Variants in FAM13A observed in about 807,000 individuals in gnomAD.
FAM13A encodes the protein protein FAM13A.
Under a neutral mutation model 129.6 loss-of-function variants are expected in FAM13A, and 76 were observed. The ratio of observed to expected loss-of-function variants is 0.59; its 90% CI spans 0.49 to 0.71. FAM13A has a LOEUF of 0.71. FAM13A is among the 30% of genes least tolerant of loss of function. FAM13A has a pLI of 0.00. For synonymous variants in FAM13A, 443 were observed against 449.9 expected, an observed-to-expected ratio of 0.98 and a Z score of 0.20; for missense variants, 1,108 against 1,249.3, an observed-to-expected ratio of 0.89 and a Z score of 1.70.
At chr4:88,862,817 G>C (rs532359616) in intron 6 of FAM13A, among the ~76,000 whole-genome samples, 1 of 151,984 alleles carries the variant, frequency 6.6e-6, no homozygotes, top group East Asian at 1.9e-4. Context: ...AAATGTATAA[G>C]GAAGTTTGGG....
intron 10 of FAM13A, 60 bp downstream of exon 10, chr4:88,787,693 G>T: frequency 1.3e-6 from 2 of 1,507,338 alleles, no homozygotes; most frequent in Non-Finnish European, 1.8e-6. Context: ...ACTAATTTGG[G>T]TGTATATTTC....
chr4:89,048,782 C>T (rs1771184508), intron 1 of FAM13A, among the ~76,000 whole-genome samples: 2 of 152,058 alleles, frequency 1.3e-5, no homozygotes, highest in African/African-American at 4.8e-5. Flanking sequence ...TGAAGTGGGT[C>T]ACTTTTAAGT....
chr4:89,048,780 G>T (rs1771184138), intron 1 of FAM13A, among the ~76,000 whole-genome samples: 1 of 151,994 alleles, frequency 6.6e-6, no homozygotes, highest in South Asian at 2.1e-4. Context: ...TTTGAAGTGG[G>T]TCACTTTTAA....
At chr4:88,776,694 G>T (rs1425345571) in intron 11 of FAM13A, among the ~76,000 whole-genome samples, 1 of 152,068 alleles carries the variant, frequency 6.6e-6, no homozygotes, top group African/African-American at 2.4e-5. Flanking sequence ...GCACCTAGTG[G>T]CCGAGTGTGG....
At chr4:88,939,386 C>A (rs889669190) in intron 4 of FAM13A, among the ~76,000 whole-genome samples, 1 of 152,106 alleles carries the variant, frequency 6.6e-6, no homozygotes, top group African/African-American at 2.4e-5. Context: ...TCTCCCTCTA[C>A]CCCATTCTTA....
intron 2 of FAM13A, among the ~76,000 whole-genome samples, chr4:89,022,201 G>A (rs1767360547): frequency 6.6e-6 from 1 of 151,994 alleles, no homozygotes; most frequent in African/African-American, 2.4e-5. Flanking sequence ...TCTTTTTAAA[G>A]CAAAAGAGGA....
chr4:88,762,889 A>G (rs1378434623), intron 13 of FAM13A, among the ~76,000 whole-genome samples: 1 of 152,208 alleles, frequency 6.6e-6, no homozygotes, highest in Non-Finnish European at 1.5e-5. Context: ...ATCACAAAGT[A>G]AATTAATTTC....
chr4:88,914,844 T>G (rs901308436), intron 5 of FAM13A, among the ~76,000 whole-genome samples: 2 of 152,252 alleles, frequency 1.3e-5, no homozygotes, highest in African/African-American at 4.8e-5. Context: ...TTTCCCTTCC[T>G]TTTAGCATTA....
chr4:88,888,936 CAAAA>C (rs896287129), intron 6 of FAM13A, among the ~76,000 whole-genome samples: 2 of 65,560 alleles, frequency 3.1e-5, no homozygotes, highest in Admixed American at 1.8e-4. Flanking sequence ...ACTCCGTCTC[CAAAA>C]AAAAAAAAAA....
intron 6 of FAM13A, among the ~76,000 whole-genome samples, chr4:88,862,978 C>A (rs1436251302): frequency 7.1e-6 from 1 of 140,786 alleles, no homozygotes; most frequent in Non-Finnish European, 1.5e-5. Flanking sequence ...CTTCATTTAG[C>A]CAAAGAAAAG....
At chr4:88,924,772 A>C (rs1751797273) in intron 5 of FAM13A, among the ~76,000 whole-genome samples, 1 of 151,662 alleles carries the variant, frequency 6.6e-6, no homozygotes, top group South Asian at 2.1e-4. Context: ...CAGGCAACCT[A>C]CAAAATGGGA....
At chr4:89,003,480 G>A (rs925314371) in intron 3 of FAM13A, among the ~76,000 whole-genome samples, 8 of 151,838 alleles carry the variant, frequency 5.3e-5, no homozygotes, top group Non-Finnish European at 1.2e-4. Context: ...GTATGTTGGT[G>A]CACACCTGTA....
chr4:88,737,889 G>A (rs543116487), intron 20 of FAM13A, among the ~76,000 whole-genome samples: 4 of 152,250 alleles, frequency 2.6e-5, no homozygotes, highest in South Asian at 2.1e-4. Context: ...AGAACACTTC[G>A]GCTGTAGTCA....
chr4:88,988,275 T>C (rs1487688744), intron 4 of FAM13A, among the ~76,000 whole-genome samples: 1 of 152,160 alleles, frequency 6.6e-6, no homozygotes, highest in Middle Eastern at 3.2e-3. Context: ...TATTAAGACA[T>C]ACTAAAGAGG....
chr4:88,976,600 G>A (rs941841247), intron 4 of FAM13A, among the ~76,000 whole-genome samples: 11 of 152,024 alleles, frequency 7.2e-5, no homozygotes, highest in East Asian at 3.8e-4. Context: ...TAGTATTGCC[G>A]GCTGATGTCA....
rs540491973 is a variant in FAM13A at position 89,051,922 on chromosome 4, A to G, written c.27+5016T>C. Among the ~76,000 whole-genome samples the G allele has an allele frequency of 1.0e-3, 154 of 152,228 alleles. 2 individuals carry two copies. The highest frequency in any genetic ancestry group is 2.9e-3 in the African/African-American group (119 of 41,538). On this transcript the variant is annotated intron_variant, in intron 1 of 23. Transcript: ENST00000264344. ...CCACATCTTTGCTGGGCAGAGGTTG[A>G]GCCCCTAAGTCTCTAGGTGCTCCTG... is the stretch of plus-strand genomic sequence containing the variant.
chr4:89,024,555 A>G (rs1767688299), intron 2 of FAM13A, among the ~76,000 whole-genome samples: 1 of 152,192 alleles, frequency 6.6e-6, no homozygotes, highest in African/African-American at 2.4e-5. Flanking sequence ...CAAAATAGCA[A>G]CCTATGATTG....
rs1212818189 is a variant in FAM13A at position 88,727,424 on chromosome 4, ACTT to A, written c.*1106_*1108del. On this transcript the variant is annotated 3_prime_UTR_variant, in exon 24 of 24. Transcript: ENST00000264344. ...AAATTATAATTGGCCACACAGCATG[ACTT>A]CTTTTTTTTCTTTTTATACATGATC... 1.3e-5 allele frequency: 2 copies of A among 152,498 alleles called. No individual in the cohort carries two copies. Among genetic ancestry groups the A allele is most frequent in the African/African-American group, 4.8e-5 (2 of 41,410 alleles). The allele number at this position is 152,498 out of a possible 1,614,324, so 9.4% of individuals were successfully genotyped here.
chr4:88,834,082 T>TA (rs1734393416), intron 7 of FAM13A, among the ~76,000 whole-genome samples: 1 of 125,770 alleles, frequency 8.0e-6, no homozygotes, highest in Admixed American at 8.0e-5. Context: ...TTTTTTTTTT[T>TA]ACTTTTTTTT....
Sources: gnomAD v4.1 joint callset for allele counts (sites outside exome capture counted in the v4.1 genomes callset) on GRCh38, gnomAD v4.1.1 for gene constraint, MANE v1.5 for transcripts, NCBI Gene and HGNC (gene_info 2026-07-23, HGNC 2026-07-21) for gene names.